Variants in RABGAP1L observed in about 807,000 individuals in gnomAD.
RABGAP1L encodes the protein rab GTPase-activating protein 1-like.
Under a neutral mutation model 137.7 loss-of-function variants are expected in RABGAP1L, and 63 were observed. That is an observed-to-expected ratio of 0.46 (90% CI 0.37 to 0.56). RABGAP1L has a LOEUF of 0.56. Ranked by LOEUF, RABGAP1L falls within the 20% of genes least tolerant of loss-of-function variation. The pLI is 0.00. For synonymous variants in RABGAP1L, 431 were observed against 433.7 expected (o/e 0.99, Z 0.08); for missense variants, 1,095 against 1,244.0 (o/e 0.88, Z 1.80).
intron 13 of RABGAP1L, among the ~76,000 whole-genome samples, chr1:174,460,526 T>G (rs1274755139): frequency 6.6e-6 from 1 of 152,128 alleles, no homozygotes; most frequent in East Asian, 1.9e-4. Flanking sequence ...TTTTTATAAA[T>G]AAGGCTTTTC....
intron 13 of RABGAP1L, among the ~76,000 whole-genome samples, chr1:174,470,943 C>A (rs1657849316): frequency 1.3e-5 from 2 of 151,926 alleles, no homozygotes; most frequent in African/African-American, 2.4e-5. Context: ...TTTTCTCAGT[C>A]AAGAATTAAG....
At chr1:174,839,995 T>C (rs1326778011) in intron 19 of RABGAP1L, among the ~76,000 whole-genome samples, 1 of 152,182 alleles carries the variant, frequency 6.6e-6, no homozygotes, top group Non-Finnish European at 1.5e-5. Context: ...AACCAGATAA[T>C]ATATGCATAA....
chr1:174,866,607 C>T (rs913686), intron 19 of RABGAP1L, among the ~76,000 whole-genome samples: 53,410 of 152,032 alleles, frequency 0.35, 11,793 homozygotes, highest in African/African-American at 0.63. Context: ...TTGCGAATGC[C>T]TTATATAATA....
intron 13 of RABGAP1L, among the ~76,000 whole-genome samples, chr1:174,519,049 A>G (rs929323183): frequency 6.6e-6 from 1 of 151,830 alleles, no homozygotes; most frequent in African/African-American, 2.4e-5. Context: ...AGCTGATTGC[A>G]TTAGGCAGGG....
chr1:174,243,131 C>T (rs1671968918), intron 5 of RABGAP1L: 1 of 152,122 alleles, frequency 6.6e-6, no homozygotes, highest in South Asian at 2.1e-4. Context: ...GAGAGAAATG[C>T]TGCTGCAGAA....
chr1:174,856,691 C>T (rs1048408016), intron 19 of RABGAP1L, among the ~76,000 whole-genome samples: 1 of 152,012 alleles, frequency 6.6e-6, no homozygotes, highest in Non-Finnish European at 1.5e-5. Flanking sequence ...CTTTGGGAGG[C>T]TGAGGTGGGC....
At chr1:174,620,668 C>T (rs549990975) in intron 13 of RABGAP1L, among the ~76,000 whole-genome samples, 1 of 151,930 alleles carries the variant, frequency 6.6e-6, no homozygotes, top group African/African-American at 2.4e-5. Context: ...ACTAAATACC[C>T]ACAAGAGAAA....
chr1:174,369,910 T>C (rs1180545007), intron 11 of RABGAP1L, among the ~76,000 whole-genome samples: 2 of 152,232 alleles, frequency 1.3e-5, no homozygotes, highest in Admixed American at 6.5e-5. Flanking sequence ...TGGACATATT[T>C]TGGTTATATT....
rs370758168 is a variant in RABGAP1L, at chr1:174,617,263, C to A, written c.1711-20112C>A. Among the ~76,000 whole-genome samples the A allele has an allele frequency of 2.6e-3, 390 of 152,238 alleles. 26 individuals are homozygous for A. The South Asian group carries it at 0.08, about 31-fold the overall frequency. ...CTTTGCCCTATCTCCAAATATTATG[C>A]CTACTTCTGGAGGAAGTATAATCAC... On this transcript the variant is annotated intron_variant, in intron 13 of 25. Transcript: ENST00000681986.
At chr1:174,370,290 A>AC (rs1684997797) in intron 11 of RABGAP1L, among the ~76,000 whole-genome samples, 1 of 151,724 alleles carries the variant, frequency 6.6e-6, no homozygotes, top group African/African-American at 2.4e-5. Context: ...TTTCTCTACT[A>AC]CCTCTGCTAC....
Position 174,426,011 on chromosome 1 carries a change from G to T in RABGAP1L, c.1710+31866G>T, listed in dbSNP as rs140147525. Among the ~76,000 whole-genome samples the T allele has an allele frequency of 1.3e-3, 199 of 152,088 alleles. 1 individual carries two copies. Among genetic ancestry groups the T allele is most frequent in the African/African-American group, 4.5e-3 (185 of 41,538 alleles). On this transcript the variant is annotated intron_variant, in intron 13 of 25. Transcript: ENST00000681986. ...GAAAAGTTATTTGTTGAATATCGTT[G>T]TAATTACTTGAGTGATACAGTTTTG...
At chr1:174,876,847 T>C (rs1453724301) in intron 19 of RABGAP1L, among the ~76,000 whole-genome samples, 2 of 152,074 alleles carry the variant, frequency 1.3e-5, no homozygotes, top group African/African-American at 4.8e-5. Flanking sequence ...TTCATTTTTA[T>C]GTTTTGGCAT....
At position 174,957,358 on chromosome 1, in the gene RABGAP1L, G is replaced by A. The variant is rs940173697; in HGVS notation, c.2341-99G>A. 1.2e-5 allele frequency: 11 copies of A among 905,884 alleles called. No individual in the cohort carries two copies. The Admixed American group carries it at 2.0e-4, about 17-fold the overall frequency. 56.1% of individuals were successfully genotyped at this position (905,884 alleles called of 1,614,324 possible). Reference sequence around the variant, plus strand: ...TTTCTCCTAACTTTGAGTTGAGCATGTTCCCTTAGAATGCCAGAAATTTAA... The same window carrying A: ...TTTCTCCTAACTTTGAGTTGAGCATATTCCCTTAGAATGCCAGAAATTTAA... On this transcript the variant is annotated intron_variant, in intron 19 of 25. Coordinates refer to ENST00000681986, the MANE Select transcript of RABGAP1L (RefSeq NM_001366446.1).
Position 174,202,290 on chromosome 1 carries a change from C to G in RABGAP1L, c.-33-16835C>G, listed in dbSNP as rs1258120351. 2.6e-5 allele frequency among the ~76,000 whole-genome samples: 4 copies of G among 152,112 alleles called. No homozygotes were observed. In the East Asian group the frequency reaches 7.7e-4, roughly 29 times the overall value. ...CAACAGTGTAAAAGTGTTCCTATTT[C>G]TCCACATCCTCTCCAGCACCTGTTG... is the stretch of plus-strand genomic sequence containing the variant. On this transcript the variant is annotated intron_variant, in intron 1 of 25. Transcript: ENST00000681986.
intron 14 of RABGAP1L, among the ~76,000 whole-genome samples, chr1:174,638,891 T>G (rs1572639317): frequency 4.1e-5 from 4 of 97,332 alleles, no homozygotes; most frequent in Non-Finnish European, 5.9e-5. Context: ...TGTGGTGGGG[T>G]TGGGGGAGGG....
intron 10 of RABGAP1L, among the ~76,000 whole-genome samples, chr1:174,282,932 A>G (rs1675704086): frequency 1.3e-5 from 2 of 152,162 alleles, no homozygotes; most frequent in Non-Finnish European, 2.9e-5. Flanking sequence ...CTGGGACACT[A>G]TTTCTCTTCC....
At chr1:174,224,959 A>G (rs764466063) in intron 3 of RABGAP1L, among the ~76,000 whole-genome samples, 1 of 150,982 alleles carries the variant, frequency 6.6e-6, no homozygotes, top group Non-Finnish European at 1.5e-5. Flanking sequence ...GATCACTGAG[A>G]TTCTTGAATC....
At chr1:174,716,314 G>T (rs1252395314) in intron 17 of RABGAP1L, among the ~76,000 whole-genome samples, 1 of 152,158 alleles carries the variant, frequency 6.6e-6, no homozygotes, top group East Asian at 1.9e-4. Context: ...GCCGAGAGTA[G>T]AGTGCAGTGG....
intron 13 of RABGAP1L, among the ~76,000 whole-genome samples, chr1:174,542,756 T>G (rs977006372): frequency 2.0e-5 from 3 of 152,162 alleles, no homozygotes; most frequent in South Asian, 2.1e-4. Context: ...CCTCTACACA[T>G]TGCTTTAAAT....
Sources: gnomAD v4.1 joint callset for allele counts (sites outside exome capture counted in the v4.1 genomes callset) on GRCh38, gnomAD v4.1.1 for gene constraint, MANE v1.5 for transcripts, NCBI Gene and HGNC (gene_info 2026-07-23, HGNC 2026-07-21) for gene names.